The following GATB variants were observed in gnomAD, a reference collection of about 807,000 sequenced individuals.
GATB encodes the protein glutamyl-tRNA(Gln) amidotransferase subunit B, mitochondrial.
In GATB, 39 loss-of-function variants were observed where a neutral mutation model predicts 62.3. That is an observed-to-expected ratio of 0.63 (90% CI 0.48 to 0.82). The LOEUF is 0.82. Ranked by LOEUF, GATB falls within the 40% of genes least tolerant of loss-of-function variation. The probability of loss-of-function intolerance (pLI) is 0.00; values close to 1 mark genes in which losing one functional copy is unlikely to be tolerated. For missense variants in GATB, 670 were observed against 684.0 expected, an observed-to-expected ratio of 0.98 and a Z score of 0.23; for synonymous variants, 276 against 258.9, an observed-to-expected ratio of 1.07 and a Z score of -0.63.
chr4:151,747,754 G>A (rs1252875146), intron 2 of GATB, among the ~76,000 whole-genome samples: 1 of 152,112 alleles, frequency 6.6e-6, no homozygotes, highest in Admixed American at 6.6e-5. Context: ...AAGTGCCAAC[G>A]GGAAATAAAT....
chr4:151,688,711 G>A lies in GATB; in HGVS notation c.1250C>T (p.Ala417Val). Residue 417 changes from alanine to valine, a missense_variant, in exon 10 of 13, where the codon GCA becomes GTA. Coordinates refer to ENST00000263985, the MANE Select transcript of GATB (RefSeq NM_004564.3). The stretch of plus-strand genomic sequence containing the variant: ...CCAACTAGTCACCTTTTTTGGCTCT[G>A]CCCTAGTTTCTTTTATCACATTTTG... ...FFQNVIKETR[A>V]EPKKVTSWVL... The A allele has an allele frequency of 6.2e-7, 1 of 1,611,800 alleles. No individual in the cohort carries two copies. Among genetic ancestry groups the A allele is most frequent in the Non-Finnish European group, 8.5e-7 (1 of 1,179,298 alleles).
At chr4:151,722,350 G>A in intron 2 of GATB, 1 of 621,656 alleles carries the variant, frequency 1.6e-6, no homozygotes, top group Non-Finnish European at 2.8e-6. Context: ...CCCTTTTCAA[G>A]TTTGTCTTTC....
Position 151,703,892 on chromosome 4 carries a change from G to A in GATB, c.966C>T (p.Cys322=), listed in dbSNP as rs925209215. 8 of 1,604,370 alleles carry A rather than the reference G, an allele frequency of 5.0e-6. No individual in the cohort carries two copies. Among genetic ancestry groups the A allele is most frequent in the African/African-American group, 1.3e-5 (1 of 74,680 alleles). Residue 322 remains cysteine (C), a synonymous_variant, in exon 8 of 13, where the codon TGC becomes TGT. Transcript: ENST00000263985. ...ETRSFHHKLG[C]TMSMRDKEGK... ...CTTCTTTGTCTCTCATTGACATGGT[G>A]CACCTGCAATAGTTAAATAAGAAAA...
intron 2 of GATB, 158 bp from the exon 3 acceptor site, chr4:151,719,696 T>C (rs564016732): frequency 2.0e-6 from 1 of 503,008 alleles, no homozygotes; most frequent in East Asian, 3.7e-5. Context: ...CCGAGTCTGT[T>C]TGCCTGGGAA....
chr4:151,676,540 A>G (rs1738010282), intron 11 of GATB: 1 of 148,738 alleles, frequency 6.7e-6, no homozygotes, highest in Admixed American at 7.5e-5. Flanking sequence ...AGGCTTGGGA[A>G]TCCTGGGAGG....
At position 151,716,146 on chromosome 4, in the gene GATB, CAG is replaced by C; in HGVS notation, c.641-17_641-16del. Reference sequence around the variant, plus strand: ...AAGGCCCACTCCTACCAAAGAGGGGCAGAGTCAGCCTCACTGCAGCTCTCCAA... The same window carrying C: ...AAGGCCCACTCCTACCAAAGAGGGGCAGTCAGCCTCACTGCAGCTCTCCAA... On this transcript the variant is annotated splice_polypyrimidine_tract_variant and intron_variant, in intron 4 of 12. Transcript: ENST00000263985. 1 of 1,607,910 alleles carries C rather than the reference CAG, an allele frequency of 6.2e-7. No individual in the cohort carries two copies. Among genetic ancestry groups the C allele is most frequent in the Non-Finnish European group, 8.5e-7 (1 of 1,177,186 alleles).
At position 151,719,410 on chromosome 4, in the gene GATB, A is replaced by G. The variant is rs1738982251; in HGVS notation, c.441+15T>C. 1 of 1,581,318 alleles carries G rather than the reference A, an allele frequency of 6.3e-7. No homozygotes were observed. The highest frequency in any genetic ancestry group is 8.7e-7 in the Non-Finnish European group (1 of 1,151,452). ...CTGAGAACTTGCAGTGGGGTGGATC[A>G]CAAAGTGTACTTACAGGGAGGTCTG... On this transcript the variant is annotated intron_variant, in intron 3 of 12. Coordinates refer to ENST00000263985, the MANE Select transcript of GATB (RefSeq NM_004564.3).
chr4:151,679,922 A>G, intron 10 of GATB, 31 bp from the exon 11 acceptor site: 1 of 1,588,402 alleles, frequency 6.3e-7, no homozygotes, highest in Non-Finnish European at 8.6e-7. Flanking sequence ...AAACACATTT[A>G]CATTGCACAC....
At chr4:151,716,705 T>C (rs546485165) in intron 4 of GATB, among the ~76,000 whole-genome samples, 171 bp downstream of exon 4, 21 of 152,342 alleles carry the variant, frequency 1.4e-4, no homozygotes, top group Admixed American at 9.1e-4. Flanking sequence ...GTTCAAGCCA[T>C]GTTCGCTAGT....
At chr4:151,759,521 C>T (rs1739906206) in intron 1 of GATB, among the ~76,000 whole-genome samples, 1 of 152,158 alleles carries the variant, frequency 6.6e-6, no homozygotes, top group African/African-American at 2.4e-5. Flanking sequence ...TTGCAAAACT[C>T]CACCACACTA....
chr4:151,696,143 T>G (rs1274340350), intron 9 of GATB, among the ~76,000 whole-genome samples: 1 of 152,100 alleles, frequency 6.6e-6, no homozygotes, highest in Non-Finnish European at 1.5e-5. Flanking sequence ...ACAAAATAAA[T>G]AAAGCTGCAG....
At chr4:151,751,823 G>C (rs1207183003) in intron 2 of GATB, among the ~76,000 whole-genome samples, 3 of 152,120 alleles carry the variant, frequency 2.0e-5, no homozygotes, top group African/African-American at 7.2e-5. Flanking sequence ...CTAAAGGCTA[G>C]ATTATATGGA....
chr4:151,729,084 C>T (rs1209316557), intron 2 of GATB, among the ~76,000 whole-genome samples: 5 of 152,190 alleles, frequency 3.3e-5, no homozygotes, highest in Non-Finnish European at 7.3e-5. Flanking sequence ...TAATTTCACA[C>T]ATCCAATAGG....
intron 2 of GATB, among the ~76,000 whole-genome samples, chr4:151,746,795 T>C (rs1248924691): frequency 1.3e-5 from 2 of 152,248 alleles, no homozygotes; most frequent in East Asian, 1.9e-4. Flanking sequence ...GCTCCAGACA[T>C]GCTGGGGAAC....
chr4:151,733,147 C>A (rs1245584371), intron 2 of GATB, among the ~76,000 whole-genome samples: 2 of 151,134 alleles, frequency 1.3e-5, no homozygotes, highest in East Asian at 3.9e-4. Context: ...TTGAAACAAA[C>A]AAAAAAAATA....
In GATB at chr4:151,735,734, G is replaced by GTATATATA. The variant is rs1491213513; in HGVS notation, c.328-16197_328-16196insTATATATA. On this transcript the variant is annotated intron_variant, in intron 2 of 12. Coordinates refer to ENST00000263985, the MANE Select transcript of GATB (RefSeq NM_004564.3). Reference sequence around the variant, plus strand: ...TCAACAAGTGGATAAATAAACTGTGGTGTATATATATATATATATATATGA... The same window carrying GTATATATA: ...TCAACAAGTGGATAAATAAACTGTGGTATATATATGTATATATATATATATATATATGA... 7.8e-4 allele frequency among the ~76,000 whole-genome samples: 73 copies of GTATATATA among 93,610 alleles called. 11 individuals are homozygous for GTATATATA. The highest frequency in any genetic ancestry group is 0.011 in the Middle Eastern group (2 of 188). 61.4% of individuals were successfully genotyped at this position (93,610 alleles called of 152,430 possible). A position where few individuals can be genotyped will look rare whatever the true frequency, so the allele number is the denominator to read the frequency against.
chr4:151,696,466 T>C (rs1256486360), intron 9 of GATB, among the ~76,000 whole-genome samples: 1 of 152,236 alleles, frequency 6.6e-6, no homozygotes, highest in African/African-American at 2.4e-5. Context: ...TATTTCTGTT[T>C]GACATTATAG....
chr4:151,722,555 T>A, intron 2 of GATB: 1 of 241,546 alleles, frequency 4.1e-6, no homozygotes, highest in Non-Finnish European at 7.9e-6. Context: ...ACCGTGCTGA[T>A]CTTCTGATTC....
chr4:151,682,371 C>T (rs564686593), intron 10 of GATB, among the ~76,000 whole-genome samples: 7 of 152,186 alleles, frequency 4.6e-5, no homozygotes, highest in Non-Finnish European at 7.3e-5. Context: ...AGACCCCACT[C>T]ATCGCCTAAA....
Sources: gnomAD v4.1 joint callset for allele counts (sites outside exome capture counted in the v4.1 genomes callset) on GRCh38, gnomAD v4.1.1 for gene constraint, MANE v1.5 for transcripts, NCBI Gene and HGNC (gene_info 2026-07-23, HGNC 2026-07-21) for gene names.